Variants in ZNF106 observed in about 807,000 individuals in gnomAD.
The protein encoded by ZNF106 is SH3-domain binding protein 3.
A neutral mutation model predicts 195.1 loss-of-function variants in ZNF106; 67 were observed. The ratio of observed to expected loss-of-function variants is 0.34; its 90% confidence interval spans 0.28 to 0.42. The LOEUF (loss-of-function observed/expected upper bound fraction) is 0.42. Among genes scored for constraint, ZNF106 ranks in the 10% least tolerant of loss-of-function variants. ZNF106 has a pLI of 1.00. For missense variants in ZNF106, 2,118 were observed against 2,304.5 expected, an observed-to-expected ratio of 0.92 and a Z score of 1.66; for synonymous variants, 784 against 818.6, an observed-to-expected ratio of 0.96 and a Z score of 0.72.
intron 14 of ZNF106, among the ~76,000 whole-genome samples, chr15:42,433,128 C>T (rs11632226): frequency 0.1 from 15,658 of 151,916 alleles, 936 homozygotes; most frequent in Non-Finnish European, 0.14. Context: ...TTTTTTGAGA[C>T]GGAGTCTTGC....
intron 5 of ZNF106, 115 bp from the exon 6 acceptor site, chr15:42,448,820 T>C: frequency 9.1e-7 from 1 of 1,104,668 alleles, no homozygotes; most frequent in Non-Finnish European, 1.3e-6. Flanking sequence ...GTAAGGTGGC[T>C]CTTGCCTTCA....
chr15:42,471,176 A>T (rs1245115171), intron 2 of ZNF106, among the ~76,000 whole-genome samples: 1 of 152,106 alleles, frequency 6.6e-6, no homozygotes, highest in East Asian at 1.9e-4. Context: ...TCTCCTACCC[A>T]AAATATCTCT....
In ZNF106 at chr15:42,450,508, T is replaced by C. The variant is rs1479534080; in HGVS notation, c.1764A>G (p.Ala588=). ...TSKSTRNYAK[A]SRNVEESEKG... ...TTTCAGATTCTTCTACATTTCTACTTGCTTTTGCATAGTTCCTGGTACTTT... is the reference window on the plus strand; with the variant it reads ...TTTCAGATTCTTCTACATTTCTACTCGCTTTTGCATAGTTCCTGGTACTTT... Residue 588 remains alanine, a synonymous_variant, in exon 5 of 22, where the codon GCA becomes GCG. Coordinates refer to ENST00000564754, the MANE Select transcript of ZNF106 (RefSeq NM_001366845.3). 4 of 1,613,940 alleles carry C rather than the reference T, an allele frequency of 2.5e-6. No individual in the cohort carries two copies. The highest frequency in any genetic ancestry group is 3.4e-6 in the Non-Finnish European group (4 of 1,180,010).
intron 14 of ZNF106, among the ~76,000 whole-genome samples, chr15:42,432,768 C>A (rs1264037777): frequency 2.0e-5 from 3 of 151,114 alleles, no homozygotes; most frequent in Non-Finnish European, 4.4e-5. Flanking sequence ...CCTGTAATCC[C>A]AATTTACTCG....
chr15:42,478,518 T>C (rs565273213), intron 1 of ZNF106, among the ~76,000 whole-genome samples: 95 of 133,178 alleles, frequency 7.1e-4, no homozygotes, highest in Admixed American at 2.9e-3. Flanking sequence ...TTTTCTTTTT[T>C]TTTTTTTTTT....
chr15:42,487,747 A>G (rs1243613234), intron 1 of ZNF106, among the ~76,000 whole-genome samples: 1 of 152,190 alleles, frequency 6.6e-6, no homozygotes, highest in African/African-American at 2.4e-5. Context: ...AACTACTTGC[A>G]TCTTGCATAA....
chr15:42,426,198 A>G (rs1403463397), intron 15 of ZNF106, among the ~76,000 whole-genome samples: 1 of 152,192 alleles, frequency 6.6e-6, no homozygotes, highest in Non-Finnish European at 1.5e-5. Flanking sequence ...CTACATTCTA[A>G]GAGTATGGGC....
In ZNF106 at chr15:42,448,207, T is replaced by C; in HGVS notation, c.3000A>G (p.Gly1000=). The part of the protein sequence containing the change: ...NQNSQESNGE[G]NCLSSSASSA... ...AGGATGCGCTTGATGACAGACAGTTTCCCTCTCCATTACTCTCCTGGGAAT... is the reference window on the plus strand; with the variant it reads ...AGGATGCGCTTGATGACAGACAGTTCCCCTCTCCATTACTCTCCTGGGAAT... The change falls in exon 6 of 22, where the codon GGA becomes GGG. Residue 1000 remains glycine (G), a synonymous_variant. Coordinates refer to ENST00000564754, the MANE Select transcript of ZNF106 (RefSeq NM_001366845.3). 6.2e-7 allele frequency: 1 copy of C among 1,614,144 alleles called. No homozygotes were observed. Among genetic ancestry groups the C allele is most frequent in the Non-Finnish European group, 8.5e-7 (1 of 1,180,018 alleles).
chr15:42,450,913 TCTCACCA>T lies in ZNF106; in HGVS notation c.1352_1358del (p.Val451AspfsTer21). The T allele has an allele frequency of 6.2e-7, 1 of 1,614,176 alleles. No individual in the cohort carries two copies. The highest frequency in any genetic ancestry group is 8.5e-7 in the Non-Finnish European group (1 of 1,180,034). ...CAGGTTTTTCTGCAGTGGGGCACTGTCTCACCACCTCGAAGGAAGCAGCGGAATCAGA... is the reference window on the plus strand; with the variant it reads ...CAGGTTTTTCTGCAGTGGGGCACTGTCCTCGAAGGAAGCAGCGGAATCAGA... On this transcript the variant is annotated frameshift_variant, in exon 5 of 22. Coordinates refer to ENST00000564754, the MANE Select transcript of ZNF106 (RefSeq NM_001366845.3). LOFTEE classifies it high-confidence loss of function.
At chr15:42,433,114 T>G (rs1267295762) in intron 14 of ZNF106, among the ~76,000 whole-genome samples, 2 of 152,178 alleles carry the variant, frequency 1.3e-5, no homozygotes, top group Non-Finnish European at 2.9e-5. Flanking sequence ...ATTTATTTAT[T>G]TATTTTTTTG....
chr15:42,454,648 C>T (rs984644302), intron 4 of ZNF106, among the ~76,000 whole-genome samples: 2 of 151,854 alleles, frequency 1.3e-5, no homozygotes, highest in African/African-American at 4.8e-5. Context: ...CTTTGGGAGG[C>T]CAAGGTGGGT....
Position 42,418,019 on chromosome 15 carries a change from C to G in ZNF106, c.5518-68G>C, listed in dbSNP as rs571166264. On this transcript the variant is annotated intron_variant, in intron 20 of 21. Coordinates refer to ENST00000564754, the MANE Select transcript of ZNF106 (RefSeq NM_001366845.3). ...AGTGAACGTGAATCAGAACAGCCCC[C>G]AGCTGGATCCCATAAGCACTATGGA... is the stretch of plus-strand genomic sequence containing the variant. The G allele has an allele frequency of 2.8e-5, 42 of 1,511,032 alleles. 1 individual carries two copies. The South Asian group carries it at 5.2e-4, about 19-fold the overall frequency. The allele number at this position is 1,511,032 out of a possible 1,614,324, so 93.6% of individuals were successfully genotyped here.
Position 42,468,054 on chromosome 15 carries a change from G to T in ZNF106, c.55-1940C>A, listed in dbSNP as rs890597579. On this transcript the variant is annotated intron_variant, in intron 2 of 21. Coordinates refer to ENST00000564754, the MANE Select transcript of ZNF106 (RefSeq NM_001366845.3). The stretch of plus-strand genomic sequence containing the variant: ...CTACTATAGTGTGATAAACAGGGTT[G>T]TGATTCAAAACGCCTTTTTTTTTTT... Among the ~76,000 whole-genome samples, 42 of 143,392 alleles carry T rather than the reference G, an allele frequency of 2.9e-4. No individual in the cohort carries two copies. The South Asian group carries it at 9.5e-3, about 33-fold the overall frequency. The allele number at this position is 143,392 out of a possible 152,430, so 94.1% of individuals were successfully genotyped here.
intron 1 of ZNF106, among the ~76,000 whole-genome samples, chr15:42,480,625 TC>T (rs1567033653): frequency 6.6e-6 from 1 of 152,168 alleles, no homozygotes; most frequent in Non-Finnish European, 1.5e-5. Context: ...GATTATATTT[TC>T]CCCCCAGTGG....
intron 2 of ZNF106, 24 bp downstream of exon 2, chr15:42,472,212 A>G (rs1173793521): frequency 6.5e-7 from 1 of 1,531,438 alleles, no homozygotes; most frequent in East Asian, 2.4e-5. Flanking sequence ...ATAAAGCCTC[A>G]GATTCTCCCT....
In ZNF106 at chr15:42,449,855, T is replaced by C; in HGVS notation, c.2417A>G (p.Asn806Ser). The stretch of plus-strand genomic sequence containing the variant: ...CCAGTTGACATTTCTCCGAGATGCA[T>C]TTAGAATCTGCCGTAGGGTTGGCTT... ...GLKPTLRQIL[N>S]ASRRNVNWEQ... The change falls in exon 5 of 22, where the codon AAT becomes AGT. Residue 806 changes from asparagine to serine, a missense_variant. By Grantham distance (46) the Asn-to-Ser change is conservative. Transcript: ENST00000564754. The C allele has an allele frequency of 6.2e-7, 1 of 1,614,164 alleles. No individual in the cohort carries two copies. Among genetic ancestry groups the C allele is most frequent in the South Asian group, 1.1e-5 (1 of 91,082 alleles).
In ZNF106 at chr15:42,424,068, A is replaced by G. The variant is rs1240809122; in HGVS notation, c.5191-8T>C. The stretch of plus-strand genomic sequence containing the variant: ...CACGAGATCATTCACCACCTTAAAG[A>G]AAAAATTAAACAAGTCAGATTCTGT... On this transcript the variant is annotated splice_polypyrimidine_tract_variant and splice_region_variant and intron_variant, in intron 16 of 21. Coordinates refer to ENST00000564754, the MANE Select transcript of ZNF106 (RefSeq NM_001366845.3). The G allele has an allele frequency of 3.1e-6, 5 of 1,611,334 alleles. No individual in the cohort carries two copies. The South Asian group carries it at 4.4e-5, about 14-fold the overall frequency.
At chr15:42,423,954 T>G (rs1233421071) in intron 17 of ZNF106, 44 bp downstream of exon 17, 1 of 1,556,262 alleles carries the variant, frequency 6.4e-7, no homozygotes, top group South Asian at 1.2e-5. Context: ...GCTTTAACCA[T>G]TATTTTATTC....
Position 42,451,534 on chromosome 15 carries a change from T to G in ZNF106, c.738A>C (p.Gly246=), listed in dbSNP as rs1490464012. The G allele has an allele frequency of 6.2e-7, 1 of 1,614,092 alleles. No homozygotes were observed. Among genetic ancestry groups the G allele is most frequent in the Admixed American group, 1.7e-5 (1 of 60,004 alleles). The change falls in exon 5 of 22, where the codon GGA becomes GGC. Residue 246 remains glycine (G), a synonymous_variant. Coordinates refer to ENST00000564754, the MANE Select transcript of ZNF106 (RefSeq NM_001366845.3). Reference sequence around the variant, plus strand: ...TACTACGTACACTGGATTTCCAGTTTCCGTTACTGTTGTTCATATGCCAAC... The same window carrying G: ...TACTACGTACACTGGATTTCCAGTTGCCGTTACTGTTGTTCATATGCCAAC... ...FSSWHMNNSN[G]NWKSSVRSTN...
Sources: allele counts gnomAD v4.1 joint callset (sites outside exome capture counted in the v4.1 genomes callset), GRCh38; gene constraint gnomAD v4.1.1; transcripts MANE v1.5; gene names NCBI Gene and HGNC (gene_info 2026-07-23, HGNC 2026-07-21).